The following AFTPH variants were observed in gnomAD, a reference collection of about 807,000 sequenced individuals.
AFTPH encodes aftiphilin.
Under a neutral mutation model 72.5 loss-of-function variants are expected in AFTPH, and 7 were observed. The observed-to-expected ratio is 0.10, with a 90% confidence interval of 0.05 to 0.18. AFTPH has a LOEUF of 0.18. Ranked by LOEUF, AFTPH falls within the 10% of genes least tolerant of loss-of-function variation. The pLI is 1.00. For synonymous variants in AFTPH, 337 were observed against 370.1 expected, an observed-to-expected ratio of 0.91 and a Z score of 1.03; for missense variants, 979 against 1,060.5, an observed-to-expected ratio of 0.92 and a Z score of 1.07.
intron 6 of AFTPH, among the ~76,000 whole-genome samples, chr2:64,578,558 A>ATT (rs11366274): frequency 2.1e-5 from 3 of 146,270 alleles, no homozygotes; most frequent in African/African-American, 7.5e-5. Context: ...GGAATAGTGA[A>ATT]TTTTTTTTTT....
chr2:64,566,623 T>C (rs1198435780), intron 2 of AFTPH, among the ~76,000 whole-genome samples: 1 of 152,112 alleles, frequency 6.6e-6, no homozygotes, highest in African/African-American at 2.4e-5. Flanking sequence ...AAATGGTAAA[T>C]TGGGCTAAGT....
chr2:64,554,014 A>G (rs1256521678), intron 2 of AFTPH, among the ~76,000 whole-genome samples: 1 of 152,210 alleles, frequency 6.6e-6, no homozygotes, highest in Non-Finnish European at 1.5e-5. Flanking sequence ...CAGCTGCTAA[A>G]AGACTTGGGG....
chr2:64,590,737 G>A (rs1449841169), intron 8 of AFTPH, among the ~76,000 whole-genome samples: 1 of 152,124 alleles, frequency 6.6e-6, no homozygotes, highest in African/African-American at 2.4e-5. Flanking sequence ...AAAAACTTTA[G>A]TCCTAAAAGT....
exon 2 of AFTPH, chr2:64,552,856 T>C: frequency 1.9e-6 from 3 of 1,614,218 alleles, no homozygotes; most frequent in Non-Finnish European, 1.7e-6. Context: ...GATGCCACTT[T>C]TGAAGAGTCT....
chr2:64,587,111 T>C (rs1381014082), intron 8 of AFTPH, among the ~76,000 whole-genome samples: 1 of 152,230 alleles, frequency 6.6e-6, no homozygotes, highest in Non-Finnish European at 1.5e-5. Flanking sequence ...TCCTAATTCG[T>C]TAACTCATCC....
At chr2:64,590,146 C>T (rs1673737282) in intron 8 of AFTPH, among the ~76,000 whole-genome samples, 1 of 152,122 alleles carries the variant, frequency 6.6e-6, no homozygotes, top group African/African-American at 2.4e-5. Context: ...ACTATTGTAC[C>T]TGGCTGTTGG....
chr2:64,556,047 G>A (rs1360506888), intron 2 of AFTPH, among the ~76,000 whole-genome samples: 1 of 149,124 alleles, frequency 6.7e-6, no homozygotes, highest in Non-Finnish European at 1.5e-5. Flanking sequence ...GAGTGCAGTG[G>A]CACGATCTCA....
intron 7 of AFTPH, 103 bp downstream of exon 7, chr2:64,579,649 ACTTATT>A (rs1673048461): frequency 4.9e-6 from 5 of 1,029,878 alleles, no homozygotes; most frequent in African/African-American, 1.6e-5. Flanking sequence ...TTTGAACATA[ACTTATT>A]CTTATCTTTG....
At chr2:64,589,482 CTT>C (rs1481385621) in intron 8 of AFTPH, among the ~76,000 whole-genome samples, 2 of 152,104 alleles carry the variant, frequency 1.3e-5, no homozygotes, top group African/African-American at 4.8e-5. Flanking sequence ...CATGATATAA[CTT>C]TTTATTTTCA....
chr2:64,565,111 T>C lies in AFTPH; in HGVS notation c.1936-2451T>C, dbSNP rs549395000. Among the ~76,000 whole-genome samples, 31 of 152,120 alleles carry C rather than the reference T, an allele frequency of 2.0e-4. No individual in the cohort carries two copies. The South Asian group carries it at 6.5e-3, about 32-fold the overall frequency. On this transcript the variant is annotated intron_variant, in intron 2 of 8. Coordinates refer to ENST00000238856, the Ensembl canonical transcript of AFTPH. ...GCCTCGGCTTCCCAAAGTGCTGGGA[T>C]TACAGGCGTGAGACACTGCACCTGG... is the stretch of plus-strand genomic sequence containing the variant.
intron 1 of AFTPH, among the ~76,000 whole-genome samples, chr2:64,532,216 G>A (rs991129498): frequency 2.0e-5 from 3 of 152,140 alleles, no homozygotes; most frequent in African/African-American, 7.2e-5. Context: ...TGGCACAAGG[G>A]AATGTTAATT....
At chr2:64,541,866 G>A (rs528300918) in intron 1 of AFTPH, among the ~76,000 whole-genome samples, 2 of 152,138 alleles carry the variant, frequency 1.3e-5, no homozygotes, top group Non-Finnish European at 2.9e-5. Context: ...AAAAGATGGT[G>A]ATTATTTTTT....
At chr2:64,526,832 G>A (rs751395324) in intron 1 of AFTPH, among the ~76,000 whole-genome samples, 2 of 152,118 alleles carry the variant, frequency 1.3e-5, no homozygotes, top group Non-Finnish European at 2.9e-5. Flanking sequence ...TATATACAGT[G>A]TACTAACTCA....
intron 2 of AFTPH, among the ~76,000 whole-genome samples, chr2:64,556,262 A>G (rs1671368608): frequency 6.6e-6 from 1 of 152,198 alleles, no homozygotes; most frequent in African/African-American, 2.4e-5. Context: ...TGCTGGGATT[A>G]CAGGCGTGAG....
chr2:64,578,597 C>T (rs1009164524), intron 6 of AFTPH, among the ~76,000 whole-genome samples: 2 of 151,330 alleles, frequency 1.3e-5, no homozygotes, highest in Admixed American at 6.6e-5. Flanking sequence ...CTCTGTCGCC[C>T]AGGCTAGAGT....
intron 1 of AFTPH, among the ~76,000 whole-genome samples, chr2:64,550,620 G>A (rs557019571): frequency 2.0e-5 from 3 of 150,574 alleles, no homozygotes; most frequent in Admixed American, 6.7e-5. Context: ...TTCTTATCCT[G>A]ATTGTAGTGA....
chr2:64,538,101 T>G (rs1052496084), intron 1 of AFTPH, among the ~76,000 whole-genome samples: 13 of 152,284 alleles, frequency 8.5e-5, no homozygotes, highest in African/African-American at 3.1e-4. Flanking sequence ...GTAAATACTG[T>G]TTGGCGAAAC....
Position 64,578,623 on chromosome 2 carries a change from T to C in AFTPH, c.2395-863T>C, listed in dbSNP as rs190870359. 1.1e-3 allele frequency among the ~76,000 whole-genome samples: 169 copies of C among 152,036 alleles called. 2 individuals carry two copies. The highest frequency in any genetic ancestry group is 3.9e-3 in the African/African-American group (163 of 41,466). ...AGGCTAGAGTGCAGTAGTGGCACGA[T>C]CTCGGCTCACTGCAACCTCCACCTC... is the stretch of plus-strand genomic sequence containing the variant. On this transcript the variant is annotated intron_variant, in intron 6 of 8. Transcript: ENST00000238856.
chr2:64,564,805 C>T (rs1225688766), intron 2 of AFTPH, among the ~76,000 whole-genome samples: 3 of 151,462 alleles, frequency 2.0e-5, no homozygotes, highest in African/African-American at 7.3e-5. Flanking sequence ...ACAGGATGCC[C>T]TTACCACCAA....
Sources: allele counts gnomAD v4.1 joint callset (sites outside exome capture counted in the v4.1 genomes callset), GRCh38; gene constraint gnomAD v4.1.1; transcripts MANE v1.5; gene names NCBI Gene and HGNC (gene_info 2026-07-23, HGNC 2026-07-21).